TLN2: variants seen among roughly 807,000 people sequenced by gnomAD.
The protein encoded by TLN2 is talin 2.
A neutral mutation model predicts 294.7 loss-of-function variants in TLN2; 118 were observed. That is an observed-to-expected ratio of 0.40 (90% CI 0.34 to 0.47). The LOEUF is 0.47. Ranked by LOEUF, TLN2 falls within the 20% of genes least tolerant of loss-of-function variation. TLN2 has a pLI of 0.84. For missense variants in TLN2, 3,083 were observed against 3,282.2 expected (o/e 0.94, Z 1.48); for synonymous variants, 1,431 against 1,304.5 (o/e 1.10, Z -2.09).
At chr15:62,585,602 T>G (rs1440537375) in intron 1 of TLN2, among the ~76,000 whole-genome samples, 1 of 152,158 alleles carries the variant, frequency 6.6e-6, no homozygotes, top group East Asian at 1.9e-4. Flanking sequence ...GTTCACATCT[T>G]TCTGTGCTTC....
chr15:62,606,471 T>A (rs1487656132), intron 2 of TLN2, among the ~76,000 whole-genome samples: 3 of 152,184 alleles, frequency 2.0e-5, no homozygotes, highest in African/African-American at 7.2e-5. Context: ...GTAAAAAAGT[T>A]TAGCGATGAT....
At chr15:62,653,125 A>T in intron 6 of TLN2, 37 bp from the exon 7 acceptor site, 1 of 1,485,746 alleles carries the variant, frequency 6.7e-7, no homozygotes, top group Non-Finnish European at 9.0e-7. Context: ...ACAGCAGTTT[A>T]ATTATTTATA....
intron 1 of TLN2, among the ~76,000 whole-genome samples, chr15:62,398,669 C>G (rs936897464): frequency 6.6e-6 from 1 of 152,140 alleles, no homozygotes; most frequent in African/African-American, 2.4e-5. Context: ...GTGACTCTTG[C>G]TATGCTTCAG....
Position 62,748,678 on chromosome 15 carries a change from G to C in TLN2, c.4119+234G>C, listed in dbSNP as rs188443227. 3.9e-5 allele frequency among the ~76,000 whole-genome samples: 6 copies of C among 152,308 alleles called. No individual in the cohort carries two copies. In the South Asian group the frequency reaches 8.3e-4, roughly 21 times the overall value. ...TGGGATTATCATTCCTGCTTCTCCT[G>C]TTTCCAGTAGGATGAGATGTATTTT... On this transcript the variant is annotated intron_variant, in intron 33 of 58. Transcript: ENST00000636159.
At chr15:62,756,895 C>CAT (rs558607516) in intron 37 of TLN2, among the ~76,000 whole-genome samples, 2 of 150,898 alleles carry the variant, frequency 1.3e-5, no homozygotes, top group Admixed American at 6.6e-5. Flanking sequence ...AACAAAGAGT[C>CAT]TTTTTTTTTA....
At chr15:62,574,810 T>A (rs2044248449) in intron 1 of TLN2, among the ~76,000 whole-genome samples, 1 of 152,064 alleles carries the variant, frequency 6.6e-6, no homozygotes, top group African/African-American at 2.4e-5. Flanking sequence ...TGAAGAAATT[T>A]GGCATTTTAG....
intron 1 of TLN2, among the ~76,000 whole-genome samples, chr15:62,426,555 GCGAATTCTTTGTATGGTA>G (rs1187244962): frequency 6.6e-6 from 1 of 152,202 alleles, no homozygotes; most frequent in Admixed American, 6.5e-5. Flanking sequence ...GGTCCAGCTG[GCGAATTCTTTGTATGGTA>G]ATGGGGACTA....
In TLN2 at chr15:62,508,051, C is replaced by T. The variant is rs1293062901; in HGVS notation, c.-237-81636C>T. Among the ~76,000 whole-genome samples the T allele has an allele frequency of 2.0e-5, 3 of 151,718 alleles. No homozygotes were observed. The East Asian group carries it at 5.8e-4, about 29-fold the overall frequency. ...GTATTCTGGAATCACCAAGAGGCTT[C>T]CATATTGAATTTTCTACAGTAGCTC... On this transcript the variant is annotated intron_variant, in intron 1 of 58. Coordinates refer to ENST00000636159, the MANE Select transcript of TLN2 (RefSeq NM_015059.3).
chr15:62,578,368 A>C (rs2044615694), intron 1 of TLN2, among the ~76,000 whole-genome samples: 2 of 152,088 alleles, frequency 1.3e-5, no homozygotes, highest in Non-Finnish European at 2.9e-5. Context: ...GGAGTTCGAG[A>C]CCAGCCTGGC....
At position 62,499,862 on chromosome 15, in the gene TLN2, C is replaced by G. The variant is rs566101194; in HGVS notation, c.-237-89825C>G. 2.4e-4 allele frequency among the ~76,000 whole-genome samples: 37 copies of G among 152,124 alleles called. 1 individual carries two copies. The South Asian group carries it at 6.9e-3, about 28-fold the overall frequency. On this transcript the variant is annotated intron_variant, in intron 1 of 58. Transcript: ENST00000636159. Reference sequence around the variant, plus strand: ...AGGTGATCTGCCCGCCTGGACTTCCCAAAGTGGTGGGATTACAGGCATAAG... The same window carrying G: ...AGGTGATCTGCCCGCCTGGACTTCCGAAAGTGGTGGGATTACAGGCATAAG...
chr15:62,730,082 G>T (rs1269403510), intron 28 of TLN2, among the ~76,000 whole-genome samples: 5 of 143,276 alleles, frequency 3.5e-5, no homozygotes, highest in African/African-American at 1.3e-4. Context: ...AGGCTGGAGT[G>T]CAGTGGCACT....
intron 32 of TLN2, among the ~76,000 whole-genome samples, chr15:62,743,843 C>A (rs2061469985): frequency 6.6e-6 from 1 of 152,140 alleles, no homozygotes; most frequent in Non-Finnish European, 1.5e-5. Flanking sequence ...CATCACACCC[C>A]CGGGCCAGGT....
At chr15:62,413,528 C>T (rs779295293) in intron 1 of TLN2, among the ~76,000 whole-genome samples, 28 of 152,274 alleles carry the variant, frequency 1.8e-4, no homozygotes, top group Admixed American at 3.9e-4. Context: ...CTTGGCTTGA[C>T]GCGCCAGATA....
At chr15:62,582,701 A>G (rs2045245682) in intron 1 of TLN2, among the ~76,000 whole-genome samples, 1 of 152,164 alleles carries the variant, frequency 6.6e-6, no homozygotes, top group Non-Finnish European at 1.5e-5. Flanking sequence ...CACGCCAGGC[A>G]GGAGGTGAGG....
At chr15:62,696,272 G>C (rs116210719) in intron 14 of TLN2, among the ~76,000 whole-genome samples, 1 of 152,152 alleles carries the variant, frequency 6.6e-6, no homozygotes, top group Admixed American at 6.5e-5. Context: ...CCTTCCTTCC[G>C]CCTCACAACA....
At chr15:62,439,102 G>A (rs1286204351) in intron 1 of TLN2, among the ~76,000 whole-genome samples, 5 of 152,170 alleles carry the variant, frequency 3.3e-5, no homozygotes, top group Non-Finnish European at 5.9e-5. Flanking sequence ...TTAGGATCAA[G>A]GATAATAAAT....
intron 42 of TLN2, among the ~76,000 whole-genome samples, chr15:62,773,533 A>G (rs1324181092): frequency 6.6e-6 from 1 of 151,808 alleles, no homozygotes; most frequent in Non-Finnish European, 1.5e-5. Context: ...GCTTTTTTCA[A>G]CCCTTTCCTT....
At position 62,609,952 on chromosome 15, in the gene TLN2, C is replaced by T. The variant is rs370371255; in HGVS notation, c.-161-8399C>T. Among the ~76,000 whole-genome samples the T allele has an allele frequency of 2.6e-5, 4 of 152,172 alleles. No individual in the cohort carries two copies. In the South Asian group the frequency reaches 8.3e-4, roughly 32 times the overall value. ...TTGTTCTGGATTTAGCCAGTAGGCA[C>T]CCTTTCAAACTATGTGCTTTCAATC... On this transcript the variant is annotated intron_variant, in intron 2 of 58. Transcript: ENST00000636159.
intron 1 of TLN2, among the ~76,000 whole-genome samples, chr15:62,495,980 C>A (rs1011946650): frequency 1.3e-5 from 2 of 151,670 alleles, no homozygotes; most frequent in African/African-American, 4.8e-5. Flanking sequence ...AACAAAAAAA[C>A]CTTCTGTTTA....
Sources: allele counts gnomAD v4.1 joint callset (sites outside exome capture counted in the v4.1 genomes callset), GRCh38; gene constraint gnomAD v4.1.1; transcripts MANE v1.5; gene names NCBI Gene and HGNC (gene_info 2026-07-23, HGNC 2026-07-21).